GABBR2: variants seen among roughly 807,000 people sequenced by gnomAD.
GABBR2 encodes G-protein coupled receptor 51.
Under a neutral mutation model 105.6 loss-of-function variants are expected in GABBR2, and 23 were observed. The observed-to-expected ratio is 0.22, with a 90% CI of 0.16 to 0.31. GABBR2 has a LOEUF of 0.31. Among genes scored for constraint, GABBR2 ranks in the 10% least tolerant of loss-of-function variants. The pLI, the probability that GABBR2 is intolerant of heterozygous loss-of-function variation, is 1.00. For synonymous variants in GABBR2, 478 were observed against 499.7 expected (o/e 0.96, Z 0.58); for missense variants, 734 against 1,245.5 (o/e 0.59, Z 6.18).
chr9:98,288,115 A>AAAAC lies in GABBR2; in HGVS notation c.*2465_*2468dup, dbSNP rs1256427838. The AAAAC allele has an allele frequency of 6.6e-6, 1 of 152,406 alleles. No individual in the cohort carries two copies. The highest frequency in any genetic ancestry group is 1.5e-5 in the Non-Finnish European group (1 of 68,040). 9.4% of individuals were successfully genotyped at this position (152,406 alleles called of 1,614,324 possible). On this transcript the variant is annotated 3_prime_UTR_variant, in exon 19 of 19. Transcript: ENST00000259455. The stretch of plus-strand genomic sequence containing the variant: ...GACAGGTTTTTTCCTTTTATTCATA[A>AAAAC]AAACAAATTTGCAACAATTTATTAA...
intron 1 of GABBR2, among the ~76,000 whole-genome samples, chr9:98,689,781 C>T (rs1175152271): frequency 6.6e-6 from 1 of 152,182 alleles, no homozygotes; most frequent in African/African-American, 2.4e-5. Context: ...GATCTGAACG[C>T]TTTTAAATTG....
chr9:98,668,014 C>T (rs1292966135), intron 1 of GABBR2, among the ~76,000 whole-genome samples: 1 of 152,222 alleles, frequency 6.6e-6, no homozygotes, highest in African/African-American at 2.4e-5. Flanking sequence ...AACAAAGGCC[C>T]AGTCCCACTG....
At chr9:98,677,926 CTTTGTT>C in intron 1 of GABBR2, among the ~76,000 whole-genome samples, 1 of 152,078 alleles carries the variant, frequency 6.6e-6, no homozygotes, top group East Asian at 1.9e-4. Flanking sequence ...CCTGACTGTC[CTTTGTT>C]TTTGTTTTTT....
At chr9:98,399,957 G>A (rs1017243992) in intron 8 of GABBR2, among the ~76,000 whole-genome samples, 41 of 150,534 alleles carry the variant, frequency 2.7e-4, no homozygotes, top group Admixed American at 2.1e-3. Context: ...CAGGAGGATC[G>A]CTTCAGGCCA....
chr9:98,570,767 G>T (rs1588233026), intron 2 of GABBR2, among the ~76,000 whole-genome samples: 5 of 152,234 alleles, frequency 3.3e-5, no homozygotes, highest in Admixed American at 3.3e-4. Flanking sequence ...GGGGGCGGGG[G>T]TTCCTGAGAT....
chr9:98,675,061 GCCTCTTAGA>G (rs1268243877), intron 1 of GABBR2, among the ~76,000 whole-genome samples: 1 of 152,178 alleles, frequency 6.6e-6, no homozygotes, highest in Non-Finnish European at 1.5e-5. Flanking sequence ...TCTTCCCCAG[GCCTCTTAGA>G]GGGTCTAGGG....
intron 7 of GABBR2, among the ~76,000 whole-genome samples, chr9:98,412,899 A>C (rs1420754283): frequency 6.6e-6 from 1 of 152,242 alleles, no homozygotes; most frequent in Non-Finnish European, 1.5e-5. Context: ...TCAGTCTATC[A>C]GCATTGGATC....
chr9:98,416,061 A>G (rs986776877), intron 7 of GABBR2, among the ~76,000 whole-genome samples: 2 of 152,170 alleles, frequency 1.3e-5, no homozygotes, highest in Non-Finnish European at 2.9e-5. Context: ...AGAAGAAAAA[A>G]GAGCTCTGAT....
chr9:98,456,121 T>C (rs1291283650), intron 6 of GABBR2, among the ~76,000 whole-genome samples: 3 of 152,030 alleles, frequency 2.0e-5, no homozygotes, highest in African/African-American at 7.2e-5. Flanking sequence ...CCACACTCCA[T>C]GCCCGCTGGC....
chr9:98,402,151 C>G (rs1040858080), intron 8 of GABBR2, among the ~76,000 whole-genome samples: 1 of 152,062 alleles, frequency 6.6e-6, no homozygotes, highest in South Asian at 2.1e-4. Flanking sequence ...TATCATTCCC[C>G]GAGATTCTTA....
At chr9:98,534,309 G>T (rs568349139) in intron 3 of GABBR2, among the ~76,000 whole-genome samples, 1 of 141,274 alleles carries the variant, frequency 7.1e-6, no homozygotes, top group East Asian at 2.2e-4. Context: ...CTGAGGACCA[G>T]TGACTAGGTG....
chr9:98,334,839 A>G (rs1242515006), intron 13 of GABBR2, among the ~76,000 whole-genome samples: 1 of 152,218 alleles, frequency 6.6e-6, no homozygotes, highest in Admixed American at 6.5e-5. Flanking sequence ...AGCTTAATCC[A>G]CTATCGCTTT....
In GABBR2 at chr9:98,317,668, C is replaced by T. The variant is rs147184313; in HGVS notation, c.1894-6463G>A. 3.0e-3 allele frequency among the ~76,000 whole-genome samples: 451 copies of T among 152,300 alleles called. 3 individuals are homozygous for T. The highest frequency in any genetic ancestry group is 0.01 in the African/African-American group (428 of 41,554). ...TTCATGACTGTATTTGTCCTACATTCATTCATTCGAAATCGACTCCATGAG... is the reference window on the plus strand; with the variant it reads ...TTCATGACTGTATTTGTCCTACATTTATTCATTCGAAATCGACTCCATGAG... On this transcript the variant is annotated intron_variant, in intron 13 of 18. Coordinates refer to ENST00000259455, the MANE Select transcript of GABBR2 (RefSeq NM_005458.8).
intron 1 of GABBR2, among the ~76,000 whole-genome samples, chr9:98,661,806 C>T (rs1036895616): frequency 2.6e-5 from 4 of 152,184 alleles, no homozygotes; most frequent in Non-Finnish European, 5.9e-5. Context: ...GTGAGTCTCT[C>T]CAGAAATTGC....
At chr9:98,602,181 T>A (rs1264289315) in intron 1 of GABBR2, among the ~76,000 whole-genome samples, 4 of 138,348 alleles carry the variant, frequency 2.9e-5, no homozygotes, top group Admixed American at 2.9e-4. Flanking sequence ...TTTTTTTTTT[T>A]AATTGTTGGT....
chr9:98,454,569 G>C lies in GABBR2; in HGVS notation c.1000-352C>G, dbSNP rs1826292915. On this transcript the variant is annotated intron_variant, in intron 6 of 18. Coordinates refer to ENST00000259455, the MANE Select transcript of GABBR2 (RefSeq NM_005458.8). This position sits in a 1 kb window ranked among gnomAD's most constrained non-coding sequence, Gnocchi z 4.6. ...CTTGCAGGGCCTGGGGTGAGGTAGA[G>C]GCCCATATCCCGTATGTCTAAATGT... Among the ~76,000 whole-genome samples, 1 of 152,172 alleles carries C rather than the reference G, an allele frequency of 6.6e-6. No homozygotes were observed. Among genetic ancestry groups the C allele is most frequent in the Admixed American group, 6.5e-5 (1 of 15,284 alleles).
intron 13 of GABBR2, among the ~76,000 whole-genome samples, chr9:98,324,925 T>G (rs74669603): frequency 6.6e-6 from 1 of 151,882 alleles, no homozygotes; most frequent in Admixed American, 6.6e-5. Flanking sequence ...ACCTATAAAC[T>G]TTGTACACAC....
In GABBR2 at chr9:98,290,261, GTTTTTTTGTT is replaced by G. The variant is rs967247136; in HGVS notation, c.*313_*322del. On this transcript the variant is annotated 3_prime_UTR_variant, in exon 19 of 19. Coordinates refer to ENST00000259455, the MANE Select transcript of GABBR2 (RefSeq NM_005458.8). ...GTTCTAGTGCCTCTCTCCTTGTCTA[GTTTTTTTGTT>G]TTTTTTTTTTTTTTTTTTTTTTTGC... The G allele has an allele frequency of 1.6e-5, 2 of 122,366 alleles. No homozygotes were observed. Among genetic ancestry groups the G allele is most frequent in the African/African-American group, 5.7e-5 (2 of 35,070 alleles). 7.6% of individuals were successfully genotyped at this position (122,366 alleles called of 1,614,324 possible). A position where few individuals can be genotyped will look rare whatever the true frequency, so the allele number is the denominator to read the frequency against.
intron 1 of GABBR2, among the ~76,000 whole-genome samples, chr9:98,619,065 G>C (rs967080401): frequency 1.3e-5 from 2 of 152,132 alleles, no homozygotes; most frequent in African/African-American, 4.8e-5. Flanking sequence ...TGCCTGTAAT[G>C]AGCATACATA....
Sources: allele counts gnomAD v4.1 joint callset (sites outside exome capture counted in the v4.1 genomes callset), GRCh38; gene constraint gnomAD v4.1.1; non-coding constraint Gnocchi (gnomAD v3.1); transcripts MANE v1.5; gene names NCBI Gene and HGNC (gene_info 2026-07-23, HGNC 2026-07-21).